The following ARCN1 variants were observed in gnomAD, a reference collection of about 807,000 sequenced individuals.
The protein encoded by ARCN1 is archain 1 coat protein complex I subunit delta.
In ARCN1, 5 loss-of-function variants were observed where a neutral mutation model predicts 60.4. The ratio of observed to expected loss-of-function variants is 0.08; its 90% CI spans 0.04 to 0.17. The LOEUF is 0.17. Ranked by LOEUF, ARCN1 falls within the 10% of genes least tolerant of loss-of-function variation. The pLI, the probability that ARCN1 is intolerant of heterozygous loss-of-function variation, is 1.00. For synonymous variants in ARCN1, 224 were observed against 220.0 expected, an observed-to-expected ratio of 1.02 and a Z score of -0.16; for missense variants, 464 against 626.5, an observed-to-expected ratio of 0.74 and a Z score of 2.77.
chr11:118,578,232 AC>A (rs1938569898), intron 1 of ARCN1, among the ~76,000 whole-genome samples: 1 of 151,808 alleles, frequency 6.6e-6, no homozygotes. Context: ...AGTAACATAC[AC>A]CTTTTTGTTC....
At chr11:118,593,784 G>T (rs1161190630) in intron 8 of ARCN1, 86 bp downstream of exon 8, 6 of 752,482 alleles carry the variant, frequency 8.0e-6, no homozygotes, top group Non-Finnish European at 1.3e-5. Context: ...TACCTGACCT[G>T]ACTGTCCATT....
intron 1 of ARCN1, among the ~76,000 whole-genome samples, chr11:118,576,903 G>C (rs1054392319): frequency 6.6e-6 from 1 of 152,108 alleles, no homozygotes; most frequent in Non-Finnish European, 1.5e-5. Context: ...CTGGAATTCT[G>C]GCCAGGTGTG....
At position 118,598,589 on chromosome 11, in the gene ARCN1, G is replaced by A. The variant is rs544052051; in HGVS notation, c.1446+678G>A. On this transcript the variant is annotated intron_variant, in intron 9 of 9. Transcript: ENST00000264028. ...AGCTCACCGCAACCTCCGCCTCCCA[G>A]GTTCAAACAATTCTCTTGCCTCAGC... 3.3e-5 allele frequency among the ~76,000 whole-genome samples: 5 copies of A among 150,240 alleles called. No individual in the cohort carries two copies. In the East Asian group the frequency reaches 9.8e-4, roughly 29 times the overall value.
intron 1 of ARCN1, among the ~76,000 whole-genome samples, chr11:118,577,669 A>G (rs1447066046): frequency 1.3e-5 from 2 of 152,112 alleles, no homozygotes; most frequent in Admixed American, 1.3e-4. Flanking sequence ...GCCTCATATT[A>G]CAGTTATTTG....
intron 3 of ARCN1, 28 bp from the exon 4 acceptor site, chr11:118,583,781 C>A (rs368207677): frequency 2.5e-6 from 4 of 1,593,176 alleles, no homozygotes; most frequent in Non-Finnish European, 3.4e-6. Context: ...AAAAAAAAAG[C>A]TACATTAATG....
intron 1 of ARCN1, among the ~76,000 whole-genome samples, chr11:118,574,582 A>C (rs563201816): frequency 7.2e-5 from 11 of 152,270 alleles, no homozygotes; most frequent in African/African-American, 2.6e-4. Context: ...TAAGTTGCAG[A>C]TATCAGTACG....
Position 118,577,353 on chromosome 11 carries a change from C to A in ARCN1, c.4-3893C>A, listed in dbSNP as rs574338176. The stretch of plus-strand genomic sequence containing the variant: ...CTTCCGCCTCCCAGGTTCAAGCAAT[C>A]CTCCCACCTCACTCTCCCCGTAGCT... On this transcript the variant is annotated intron_variant, in intron 1 of 9. Transcript: ENST00000264028. Among the ~76,000 whole-genome samples, 3 of 151,868 alleles carry A rather than the reference C, an allele frequency of 2.0e-5. No homozygotes were observed. In the South Asian group the frequency reaches 6.2e-4, roughly 32 times the overall value.
chr11:118,594,354 C>A (rs970644468), intron 8 of ARCN1, among the ~76,000 whole-genome samples: 1 of 152,114 alleles, frequency 6.6e-6, no homozygotes, highest in East Asian at 1.9e-4. Context: ...CCCGCCTCGG[C>A]CTCCCAAAGT....
chr11:118,589,603 A>G (rs554170978), intron 5 of ARCN1, among the ~76,000 whole-genome samples: 315 of 152,128 alleles, frequency 2.1e-3, no homozygotes, highest in Admixed American at 4.6e-3. Flanking sequence ...TTGTATTTTT[A>G]GTAGAGGTGG....
At position 118,594,386 on chromosome 11, in the gene ARCN1, C is replaced by T. The variant is rs555066081; in HGVS notation, c.1241+688C>T. Among the ~76,000 whole-genome samples the T allele has an allele frequency of 1.0e-3, 155 of 152,098 alleles. 1 individual carries two copies. Among genetic ancestry groups the T allele is most frequent in the African/African-American group, 3.7e-3 (153 of 41,492 alleles). Reference sequence around the variant, plus strand: ...AAGTGCTGGGATTATAAGCGTGAGCCACCACACCCAGCCAAGAATTGCTCT... The same window carrying T: ...AAGTGCTGGGATTATAAGCGTGAGCTACCACACCCAGCCAAGAATTGCTCT... On this transcript the variant is annotated intron_variant, in intron 8 of 9. Coordinates refer to ENST00000264028, the MANE Select transcript of ARCN1 (RefSeq NM_001655.5).
chr11:118,573,947 G>A (rs1043493357), intron 1 of ARCN1, among the ~76,000 whole-genome samples: 1 of 152,106 alleles, frequency 6.6e-6, no homozygotes, highest in Admixed American at 6.6e-5. Flanking sequence ...GCATTTTAGA[G>A]CATATTTTTA....
intron 8 of ARCN1, 85 bp from the exon 9 acceptor site, chr11:118,597,622 A>G: frequency 6.8e-7 from 1 of 1,470,744 alleles, no homozygotes; most frequent in Admixed American, 2.0e-5. Flanking sequence ...AAATTTGGGG[A>G]TCATATATCA....
Position 118,584,575 on chromosome 11 carries a change from T to C in ARCN1, c.749T>C (p.Met250Thr). The C allele has an allele frequency of 7.4e-6, 12 of 1,613,998 alleles. No homozygotes were observed. Among genetic ancestry groups the C allele is most frequent in the Non-Finnish European group, 1.0e-5 (12 of 1,179,962 alleles). Residue 250 changes from methionine (M) to threonine (T), a missense_variant, in exon 5 of 10, where the codon ATG (methionine) becomes ACG (threonine). Physicochemically the swap from Met to Thr is moderately conservative, Grantham distance 81 (BLOSUM62 -1). Coordinates refer to ENST00000264028, the MANE Select transcript of ARCN1 (RefSeq NM_001655.5). ...DKLKSEGETI[M>T]SSSMGKRTSE... ...TTAAAATCTGAAGGTGAAACCATCA[T>C]GTCCTCTAGTATGGGCAAGCGTACT... is the stretch of plus-strand genomic sequence containing the variant.
chr11:118,592,686 T>G (rs782256628), intron 6 of ARCN1, 23 bp from the exon 7 acceptor site: 3 of 1,597,094 alleles, frequency 1.9e-6, no homozygotes, highest in South Asian at 2.2e-5. Flanking sequence ...ACCTCAGGAG[T>G]TTTCCTTTCC....
At chr11:118,574,044 A>T (rs1938423356) in intron 1 of ARCN1, among the ~76,000 whole-genome samples, 2 of 152,162 alleles carry the variant, frequency 1.3e-5, no homozygotes, top group African/African-American at 4.8e-5. Context: ...AGGTTCTTGG[A>T]ACTTAGTATT....
At chr11:118,592,635 G>A (rs2135551599) in intron 6 of ARCN1, 74 bp from the exon 7 acceptor site, 10 of 1,171,032 alleles carry the variant, frequency 8.5e-6, no homozygotes, top group Non-Finnish European at 1.1e-5. Flanking sequence ...TAGATTGTGG[G>A]CCATATAAGC....
rs1555074952 is a variant in ARCN1 at position 118,583,355 on chromosome 11, A to G, written c.444A>G (p.Arg148=). Residue 148 remains arginine (R), a synonymous_variant, in exon 3 of 10, where the codon AGA becomes AGG. Transcript: ENST00000264028. ...AGGAGAAGGTGTTCAGAGCCGTCAG[A>G]GAGGTAAATAGGATCTTCTCTGGGA... The part of the protein sequence containing the change: ...SHEEKVFRAV[R]ETQEREAKAE... 4 of 1,606,276 alleles carry G rather than the reference A, an allele frequency of 2.5e-6. No homozygotes were observed. The highest frequency in any genetic ancestry group is 3.4e-5 in the Admixed American group (2 of 58,112).
intron 8 of ARCN1, among the ~76,000 whole-genome samples, chr11:118,596,475 TC>T (rs1284070846): frequency 6.6e-6 from 1 of 152,140 alleles, no homozygotes; most frequent in Non-Finnish European, 1.5e-5. Context: ...CTAGAACTGA[TC>T]AAATTAGAAG....
intron 9 of ARCN1, among the ~76,000 whole-genome samples, chr11:118,598,944 C>T (rs1555077678): frequency 1.3e-5 from 2 of 151,498 alleles, no homozygotes; most frequent in Non-Finnish European, 2.9e-5. Context: ...CATGCGCCTG[C>T]CACCATGCCT....
Sources: allele counts gnomAD v4.1 joint callset (sites outside exome capture counted in the v4.1 genomes callset), GRCh38; gene constraint gnomAD v4.1.1; transcripts MANE v1.5; gene names NCBI Gene and HGNC (gene_info 2026-07-23, HGNC 2026-07-21).